Variants in GRB10 observed in about 807,000 individuals in gnomAD.
GRB10 encodes growth factor receptor bound protein 10.
A neutral mutation model predicts 80.9 loss-of-function variants in GRB10; 20 were observed. That is an observed-to-expected ratio of 0.25 (90% CI 0.17 to 0.36). The LOEUF (loss-of-function observed/expected upper bound fraction) is 0.36, where lower values mean the gene tolerates loss of function less well. GRB10 is among the 10% of genes least tolerant of loss of function. GRB10 has a pLI of 1.00. For synonymous variants in GRB10, 291 were observed against 291.5 expected, an observed-to-expected ratio of 1.00 and a Z score of 0.02; for missense variants, 548 against 747.7, an observed-to-expected ratio of 0.73 and a Z score of 3.12.
intron 3 of GRB10, among the ~76,000 whole-genome samples, chr7:50,736,318 CAAAA>C (rs751557200): frequency 1.2e-4 from 18 of 151,998 alleles, no homozygotes; most frequent in Admixed American, 3.3e-4. Flanking sequence ...TGAACAATAA[CAAAA>C]AAACTTACTA....
intron 5 of GRB10, among the ~76,000 whole-genome samples, chr7:50,681,963 G>C (rs1356227251): frequency 1.3e-5 from 2 of 152,174 alleles, no homozygotes; most frequent in African/African-American, 2.4e-5. Flanking sequence ...CTGAGCCCCG[G>C]GTTGATGAAT....
chr7:50,651,911 A>C (rs2058041656), intron 7 of GRB10, among the ~76,000 whole-genome samples: 1 of 152,182 alleles, frequency 6.6e-6, no homozygotes, highest in South Asian at 2.1e-4. Flanking sequence ...CTGTGTTTCC[A>C]TCCAACCCAA....
intron 12 of GRB10, 24 bp downstream of exon 12, chr7:50,614,746 C>T (rs536403274): frequency 3.4e-5 from 50 of 1,479,648 alleles, no homozygotes; most frequent in Middle Eastern, 1.7e-4. Context: ...GCATGCGCGC[C>T]GTCTGTGGAC....
At chr7:50,643,474 G>A (rs960941024) in intron 7 of GRB10, among the ~76,000 whole-genome samples, 3 of 152,158 alleles carry the variant, frequency 2.0e-5, no homozygotes, top group African/African-American at 7.2e-5. Context: ...GGAACACTCT[G>A]TATTAAAGGA....
chr7:50,769,375 G>C (rs994399330), intron 2 of GRB10, among the ~76,000 whole-genome samples: 1 of 152,168 alleles, frequency 6.6e-6, no homozygotes, highest in African/African-American at 2.4e-5. Context: ...CTTCCCAGGA[G>C]GAAAGAGAGT....
chr7:50,644,390 G>GGAAGGGACGTAGCACCCGCTTCCACT lies in GRB10; in HGVS notation c.505-17438_505-17413dup, dbSNP rs549389280. On this transcript the variant is annotated intron_variant, in intron 7 of 18. Transcript: ENST00000401949. ...TGGCCGAGCTCAGGGACACAGATAG[G>GGAAGGGACGTAGCACCCGCTTCCACT]GAAGGGACGTAGCACCCGCTTCCAC... 1.8e-3 allele frequency among the ~76,000 whole-genome samples: 271 copies of GGAAGGGACGTAGCACCCGCTTCCACT among 152,228 alleles called. 1 individual carries two copies. Among genetic ancestry groups the GGAAGGGACGTAGCACCCGCTTCCACT allele is most frequent in the African/African-American group, 6.2e-3 (257 of 41,542 alleles).
chr7:50,614,678 T>G, intron 12 of GRB10, 92 bp downstream of exon 12: 1 of 828,704 alleles, frequency 1.2e-6, no homozygotes, highest in Non-Finnish European at 2.1e-6. Flanking sequence ...TTGAAGACAA[T>G]AGAAGCAACA....
At chr7:50,710,896 G>A (rs888002952) in intron 4 of GRB10, 74 of 1,612,632 alleles carry the variant, frequency 4.6e-5, no homozygotes, top group Non-Finnish European at 5.8e-5. Flanking sequence ...ACAGAGGGCC[G>A]GCAGCTTGCA....
At chr7:50,771,857 T>C (rs2077011307) in intron 2 of GRB10, among the ~76,000 whole-genome samples, 1 of 152,212 alleles carries the variant, frequency 6.6e-6, no homozygotes, top group African/African-American at 2.4e-5. Context: ...CCTGGCAACA[T>C]GAGACTTACT....
intron 4 of GRB10, among the ~76,000 whole-genome samples, chr7:50,728,528 G>A (rs2069052799): frequency 6.6e-6 from 1 of 152,070 alleles, no homozygotes; most frequent in African/African-American, 2.4e-5. Flanking sequence ...TTGAGCCTCT[G>A]TCCATCCAAA....
chr7:50,766,464 T>TA (rs1488072254), intron 2 of GRB10, among the ~76,000 whole-genome samples: 6 of 152,124 alleles, frequency 3.9e-5, no homozygotes, highest in East Asian at 1.9e-4. Context: ...AAAGGAGTTT[T>TA]AAAAAAAGTT....
chr7:50,696,816 T>A (rs1047053434), intron 5 of GRB10, among the ~76,000 whole-genome samples: 1 of 152,190 alleles, frequency 6.6e-6, no homozygotes, highest in Non-Finnish European at 1.5e-5. Context: ...TCTAGATACA[T>A]ACCCCAAGGA....
At position 50,683,724 on chromosome 7, in the gene GRB10, G is replaced by A. The variant is rs914446267; in HGVS notation, c.140-9066C>T. 4.6e-5 allele frequency among the ~76,000 whole-genome samples: 7 copies of A among 152,014 alleles called. No homozygotes were observed. In the East Asian group the frequency reaches 7.7e-4, roughly 17 times the overall value. ...TGCATTCCAGCCTGGGTGACAGAGC[G>A]AGACTCCATCTCAAAAAAAATAAAT... On this transcript the variant is annotated intron_variant, in intron 5 of 18. Coordinates refer to ENST00000401949, the MANE Select transcript of GRB10 (RefSeq NM_001350814.2).
chr7:50,609,579 A>C (rs188904793), intron 13 of GRB10, among the ~76,000 whole-genome samples: 173 of 152,360 alleles, frequency 1.1e-3, no homozygotes, highest in African/African-American at 4.0e-3. Flanking sequence ...CAAAGGTTTA[A>C]TGCTGCGTTC....
At chr7:50,738,580 AGAG>A (rs1238739598) in intron 3 of GRB10, among the ~76,000 whole-genome samples, 2 of 152,336 alleles carry the variant, frequency 1.3e-5, no homozygotes, top group Admixed American at 1.3e-4. Flanking sequence ...TTATGGGACT[AGAG>A]GAGTTCACCA....
chr7:50,702,122 G>A (rs994225031), intron 5 of GRB10, among the ~76,000 whole-genome samples: 4 of 152,226 alleles, frequency 2.6e-5, no homozygotes, highest in Non-Finnish European at 5.9e-5. Context: ...GTTGCAGTCT[G>A]CGTCACTGCA....
rs369555688 is a variant in GRB10 at position 50,649,556 on chromosome 7, G to A, written c.504+20166C>T. Among the ~76,000 whole-genome samples, 64 of 152,336 alleles carry A rather than the reference G, an allele frequency of 4.2e-4. No individual in the cohort carries two copies. The South Asian group carries it at 7.0e-3, about 17-fold the overall frequency. ...CTGTACACCCCACAGGGGAGAGCTT[G>A]GATTTAATTCTGGGTGTGATGGGAG... On this transcript the variant is annotated intron_variant, in intron 7 of 18. Transcript: ENST00000401949.
intron 7 of GRB10, among the ~76,000 whole-genome samples, chr7:50,656,496 T>A (rs2058663467): frequency 6.6e-6 from 1 of 152,216 alleles, no homozygotes; most frequent in Admixed American, 6.5e-5. Context: ...TTCATCCCTG[T>A]CACTGCAGGG....
intron 2 of GRB10, among the ~76,000 whole-genome samples, chr7:50,772,016 G>A (rs959248824): frequency 1.3e-5 from 2 of 152,308 alleles, no homozygotes; most frequent in African/African-American, 4.8e-5. Flanking sequence ...TGGCACATGT[G>A]TCCCCTAAAC....
Sources: gnomAD v4.1 joint callset for allele counts (sites outside exome capture counted in the v4.1 genomes callset) on GRCh38, gnomAD v4.1.1 for gene constraint, MANE v1.5 for transcripts, NCBI Gene and HGNC (gene_info 2026-07-23, HGNC 2026-07-21) for gene names.